The following GMEB2 variants were observed in gnomAD, a reference collection of about 807,000 sequenced individuals.
GMEB2 encodes the protein glucocorticoid modulatory element-binding protein 2.
In GMEB2, 7 loss-of-function variants were observed where a neutral mutation model predicts 45.7. The observed-to-expected ratio is 0.15, with a 90% CI of 0.09 to 0.29. The LOEUF is 0.29. GMEB2 is among the 10% of genes least tolerant of loss of function. The pLI is 1.00. For missense variants in GMEB2, 582 were observed against 739.2 expected (o/e 0.79, Z 2.47); for synonymous variants, 322 against 323.6 (o/e 1.00, Z 0.05).
intron 2 of GMEB2, among the ~76,000 whole-genome samples, chr20:63,605,860 CAGG>C (rs1173008220): frequency 6.6e-6 from 1 of 151,992 alleles, no homozygotes; most frequent in Non-Finnish European, 1.5e-5. Flanking sequence ...GAGGCCAAGA[CAGG>C]AGAATCGCCT....
chr20:63,587,607 T>C lies in GMEB2; in HGVS notation c.*2482A>G, dbSNP rs972349953. 4 of 152,368 alleles carry C rather than the reference T, an allele frequency of 2.6e-5. No homozygotes were observed. Among genetic ancestry groups the C allele is most frequent in the Non-Finnish European group, 5.9e-5 (4 of 68,038 alleles). 9.4% of individuals were successfully genotyped at this position (152,368 alleles called of 1,614,324 possible). A position where few individuals can be genotyped will look rare whatever the true frequency, so the allele number is the denominator to read the frequency against. On this transcript the variant is annotated 3_prime_UTR_variant, in exon 10 of 10. Transcript: ENST00000370077. ...TTCCAAGAGATAGACACTCAAACTA[T>C]GAAAATTGTTTTTATTTTAAATCAA...
chr20:63,605,541 A>AAG (rs1481742510), intron 2 of GMEB2, among the ~76,000 whole-genome samples: 96 of 151,626 alleles, frequency 6.3e-4, no homozygotes, highest in Admixed American at 3.4e-3. Flanking sequence ...AAAAAAAAAA[A>AAG]AAAGAAATGG....
rs528923229 is a variant in GMEB2, at chr20:63,619,259, G to A, written c.131+8C>T. 301 of 1,606,992 alleles carry A rather than the reference G, an allele frequency of 1.9e-4. 1 individual carries two copies. In the South Asian group the frequency reaches 3.0e-3, roughly 16 times the overall value. ...ATCAGCCCCAATGGCACCGAGGCCCGAGCTTACCCGTGAGGGGCCAAGTTG... is the reference window on the plus strand; with the variant it reads ...ATCAGCCCCAATGGCACCGAGGCCCAAGCTTACCCGTGAGGGGCCAAGTTG... On this transcript the variant is annotated splice_region_variant and intron_variant, in intron 2 of 9. Transcript: ENST00000370077. The surrounding 1 kb of genome is among the most constrained non-coding windows in gnomAD (Gnocchi z 4.6).
At chr20:63,609,359 T>C (rs1330304027) in intron 2 of GMEB2, among the ~76,000 whole-genome samples, 11 of 123,494 alleles carry the variant, frequency 8.9e-5, no homozygotes, top group Admixed American at 1.5e-4. Context: ...ACACATCCAT[T>C]TCTAGAAACA....
chr20:63,602,351 C>T (rs1170224998), intron 4 of GMEB2, among the ~76,000 whole-genome samples: 1 of 152,152 alleles, frequency 6.6e-6, no homozygotes, highest in Admixed American at 6.5e-5. Flanking sequence ...AAGGGACAGT[C>T]ACCACCCAGC....
Position 63,619,394 on chromosome 20 carries a change from C to T in GMEB2, c.4G>A (p.Ala2Thr). 1 of 1,610,632 alleles carries T rather than the reference C, an allele frequency of 6.2e-7. No individual in the cohort carries two copies. The highest frequency in any genetic ancestry group is 8.5e-7 in the Non-Finnish European group (1 of 1,179,692). The change falls in exon 2 of 10, where the codon GCG becomes ACG. Residue 2 changes from alanine (A) to threonine (T), a missense_variant. Ala to Thr is a moderately conservative substitution (Grantham distance 58). This residue lies in a region of GMEB2 where 114 missense variants were observed against 123.4 expected (regional missense o/e 0.92). Coordinates refer to ENST00000370077, the MANE Select transcript of GMEB2 (RefSeq NM_012384.5). This position sits in a 1 kb window ranked among gnomAD's most constrained non-coding sequence, Gnocchi z 4.6. ...ATGTGCACACTCACGTCGGGAGTCG[C>T]CATGGCTCAGCGGAAGGGGACGCCC... is the stretch of plus-strand genomic sequence containing the variant. M[A>T]TPDVSVHMEE...
At chr20:63,600,511 A>T (rs1161251910) in intron 4 of GMEB2, among the ~76,000 whole-genome samples, 1 of 151,266 alleles carries the variant, frequency 6.6e-6, no homozygotes, top group Non-Finnish European at 1.5e-5. Context: ...TGAGGTCAGG[A>T]GTTCGGGCTC....
chr20:63,610,434 T>TG (rs544289068), intron 2 of GMEB2, among the ~76,000 whole-genome samples: 113 of 152,142 alleles, frequency 7.4e-4, no homozygotes, highest in Non-Finnish European at 9.3e-4. Flanking sequence ...GGCAAGAGAA[T>TG]GGCGTGAACC....
Position 63,592,243 on chromosome 20 carries a change from T to G in GMEB2, c.830-99A>C. 1 of 1,163,014 alleles carries G rather than the reference T, an allele frequency of 8.6e-7. No individual in the cohort carries two copies. The allele number at this position is 1,163,014 out of a possible 1,614,324, so 72.0% of individuals were successfully genotyped here. A position where few individuals can be genotyped will look rare whatever the true frequency, so the allele number is the denominator to read the frequency against. ...CCCGGGACCTTCCTAGAGAGTCACG[T>G]GGACGCTCGGTGAGAGCCTGGGCTC... is the stretch of plus-strand genomic sequence containing the variant. On this transcript the variant is annotated intron_variant, in intron 8 of 9. Coordinates refer to ENST00000370077, the MANE Select transcript of GMEB2 (RefSeq NM_012384.5). The surrounding 1 kb of genome is among the most constrained non-coding windows in gnomAD (Gnocchi z 8.2).
intron 3 of GMEB2, 119 bp from the exon 4 acceptor site, chr20:63,603,211 C>T: frequency 8.5e-7 from 1 of 1,175,488 alleles, no homozygotes; most frequent in Non-Finnish European, 1.2e-6. Context: ...AATTAAAATC[C>T]AGGAAGGCCT....
chr20:63,606,124 A>G (rs1242842621), intron 2 of GMEB2, among the ~76,000 whole-genome samples: 3 of 152,218 alleles, frequency 2.0e-5, no homozygotes, highest in Non-Finnish European at 4.4e-5. Context: ...TTTTAGAAGA[A>G]AAGTCACTAT....
At position 63,592,513 on chromosome 20, in the gene GMEB2, G is replaced by A. The variant is rs750601250; in HGVS notation, c.829+20C>T. 1 of 1,596,434 alleles carries A rather than the reference G, an allele frequency of 6.3e-7. No homozygotes were observed. Among genetic ancestry groups the A allele is most frequent in the South Asian group, 1.1e-5 (1 of 90,740 alleles). On this transcript the variant is annotated intron_variant, in intron 8 of 9. Coordinates refer to ENST00000370077, the MANE Select transcript of GMEB2 (RefSeq NM_012384.5). The surrounding 1 kb of genome is among the most constrained non-coding windows in gnomAD (Gnocchi z 8.2). ...CTCCTGGGCTGAGTAGCCAGCAAGA[G>A]GGAAGATGCAGCTTCTCACCTCGAA...
intron 4 of GMEB2, among the ~76,000 whole-genome samples, chr20:63,602,472 C>T (rs1456319830): frequency 6.6e-6 from 1 of 152,230 alleles, no homozygotes; most frequent in Non-Finnish European, 1.5e-5. Flanking sequence ...GCTTGGCACC[C>T]CATCTGCCTC....
rs529511557 is a variant in GMEB2, at chr20:63,614,917, T to C, written c.131+4350A>G. 6.6e-5 allele frequency among the ~76,000 whole-genome samples: 10 copies of C among 152,252 alleles called. No individual in the cohort carries two copies. The East Asian group carries it at 1.7e-3, about 26-fold the overall frequency. ...CCCTGCCGCTTTGTCTTGTATCCAATAAATAGCGCAACCTGGCATTCGGGG... is the reference window on the plus strand; with the variant it reads ...CCCTGCCGCTTTGTCTTGTATCCAACAAATAGCGCAACCTGGCATTCGGGG... On this transcript the variant is annotated intron_variant, in intron 2 of 9. Coordinates refer to ENST00000370077, the MANE Select transcript of GMEB2 (RefSeq NM_012384.5).
At position 63,593,805 on chromosome 20, in the gene GMEB2, T is replaced by C. The variant is rs2083172210; in HGVS notation, c.620-723A>G. ...GGGAGACTGAGGCGGGTGGATCACC[T>C]AAGGTCAGGAGTTCGAGAACAGCCT... On this transcript the variant is annotated intron_variant, in intron 6 of 9. Transcript: ENST00000370077. This position sits in a 1 kb window ranked among gnomAD's most constrained non-coding sequence, Gnocchi z 4.7. 6.6e-6 allele frequency among the ~76,000 whole-genome samples: 1 copy of C among 152,112 alleles called. No individual in the cohort carries two copies. The highest frequency in any genetic ancestry group is 1.5e-5 in the Non-Finnish European group (1 of 68,028).
At chr20:63,607,206 C>A (rs979227303) in intron 2 of GMEB2, among the ~76,000 whole-genome samples, 1,783 of 128,514 alleles carry the variant, frequency 0.014, 7 homozygotes, top group Non-Finnish European at 0.024. Flanking sequence ...TCTGACCCAC[C>A]TCCATTTCTA....
chr20:63,624,002 C>T (rs1331387718), intron 1 of GMEB2, among the ~76,000 whole-genome samples: 1 of 151,282 alleles, frequency 6.6e-6, no homozygotes, highest in Non-Finnish European at 1.5e-5. Context: ...CCCAGCTACT[C>T]AGGAGGCTGA....
intron 3 of GMEB2, 71 bp downstream of exon 3, chr20:63,604,672 T>G: frequency 1.2e-6 from 1 of 863,308 alleles, no homozygotes; most frequent in Non-Finnish European, 2.0e-6. Flanking sequence ...CTGTTCCTCA[T>G]TTTGAGTGCA....
At chr20:63,601,541 T>G (rs1359752118) in intron 4 of GMEB2, among the ~76,000 whole-genome samples, 1 of 151,888 alleles carries the variant, frequency 6.6e-6, no homozygotes, top group East Asian at 1.9e-4. Context: ...TCTTTTCTTT[T>G]TTTTTTTTTT....
Sources: gnomAD v4.1 joint callset for allele counts (sites outside exome capture counted in the v4.1 genomes callset) on GRCh38, gnomAD v4.1.1 for gene constraint, gnomAD v4.1.1 regional missense constraint, Gnocchi (gnomAD v3.1) non-coding constraint, MANE v1.5 for transcripts, NCBI Gene and HGNC (gene_info 2026-07-23, HGNC 2026-07-21) for gene names.